The following CUBN variants were observed in gnomAD, a reference collection of about 807,000 sequenced individuals.
The protein encoded by CUBN is cubilin, also known as 460 kDa receptor.
A neutral mutation model predicts 405.3 loss-of-function variants in CUBN; 282 were observed. The observed-to-expected ratio is 0.70, with a 90% CI of 0.63 to 0.77. CUBN has a LOEUF of 0.77. Ranked by LOEUF, CUBN falls within the 30% of genes least tolerant of loss-of-function variation. CUBN has a pLI of 0.00. For synonymous variants in CUBN, 1,684 were observed against 1,617.0 expected (o/e 1.04, Z -0.99); for missense variants, 4,514 against 4,475.2 (o/e 1.01, Z -0.25).
rs549012400 is a variant in CUBN, at chr10:16,974,040, C to G, written c.4695+8444G>C. Among the ~76,000 whole-genome samples, 4 of 152,264 alleles carry G rather than the reference C, an allele frequency of 2.6e-5. No homozygotes were observed. The South Asian group carries it at 8.3e-4, about 32-fold the overall frequency. On this transcript the variant is annotated intron_variant, in intron 31 of 66. Coordinates refer to ENST00000377833, the MANE Select transcript of CUBN (RefSeq NM_001081.4). ...TTCTTCTAGTCCTCATTAAATGAACCTCCCCCAAAACACTCACCATCAGCA... is the reference window on the plus strand; with the variant it reads ...TTCTTCTAGTCCTCATTAAATGAACGTCCCCCAAAACACTCACCATCAGCA...
intron 22 of CUBN, 112 bp downstream of exon 22, chr10:17,065,396 C>G: frequency 7.5e-7 from 1 of 1,332,392 alleles, no homozygotes; most frequent in South Asian, 1.2e-5. Flanking sequence ...CTAAATATAG[C>G]TCTCATTGTG....
At chr10:16,834,948 G>T in intron 64 of CUBN, 66 bp downstream of exon 64, 1 of 1,459,342 alleles carries the variant, frequency 6.9e-7, no homozygotes, top group Non-Finnish European at 9.6e-7. Context: ...GATAAAAGGT[G>T]TAAAATCTTA....
rs755587311 is a variant in CUBN at position 16,869,864 on chromosome 10, T to TA, written c.9237-12dup. On this transcript the variant is annotated splice_polypyrimidine_tract_variant and intron_variant, in intron 58 of 66. Coordinates refer to ENST00000377833, the MANE Select transcript of CUBN (RefSeq NM_001081.4). ...TCAAAATCACTGAACCTGTGAAATG[T>TA]ACCTTGTTAATACTGATGTTTCCAT... 5 of 1,572,498 alleles carry TA rather than the reference T, an allele frequency of 3.2e-6. No individual in the cohort carries two copies. The South Asian group carries it at 5.5e-5, about 17-fold the overall frequency.
In CUBN at chr10:16,836,119, G is replaced by T. The variant is rs566994230; in HGVS notation, c.10180+116C>A. The T allele has an allele frequency of 2.6e-3, 2,738 of 1,058,324 alleles. 11 individuals carry two copies. The highest frequency in any genetic ancestry group is 3.3e-3 in the Non-Finnish European group (2,324 of 696,778). 65.6% of individuals were successfully genotyped at this position (1,058,324 alleles called of 1,614,324 possible). On this transcript the variant is annotated intron_variant, in intron 63 of 66. Transcript: ENST00000377833. Reference sequence around the variant, plus strand: ...TAGTTAAGAGAGGGATGTGGTTTTTGTTAACAAATCCTAATTTACTCACAG... The same window carrying T: ...TAGTTAAGAGAGGGATGTGGTTTTTTTTAACAAATCCTAATTTACTCACAG...
chr10:16,886,090 G>T (rs1840804988), intron 56 of CUBN, among the ~76,000 whole-genome samples: 1 of 152,108 alleles, frequency 6.6e-6, no homozygotes, highest in Non-Finnish European at 1.5e-5. Context: ...ATGGTACTGG[G>T]ATTTTGGGCT....
In CUBN at chr10:16,928,271, G is replaced by A. The variant is rs751834059; in HGVS notation, c.6157C>T (p.Leu2053Phe). 1.9e-6 allele frequency: 3 copies of A among 1,613,926 alleles called. No homozygotes were observed. The highest frequency in any genetic ancestry group is 2.5e-6 in the Non-Finnish European group (3 of 1,179,884). ...GGCCCAGGGATCTCTCTGCCACAGA[G>A]AACTGCTAGCTGCTGGGCCAAGTTA... ...DNNLAQQLAV[L>F]CGREIPGPIR... The change falls in exon 41 of 67, where the codon CTC becomes TTC. Residue 2053 changes from leucine to phenylalanine, a missense_variant. Leu to Phe is a conservative substitution (Grantham distance 22). Around this residue, in one of 5 missense-constraint regions of CUBN, gnomAD observed 1,613 missense variants for 1,542.8 expected, o/e 1.05. Coordinates refer to ENST00000377833, the MANE Select transcript of CUBN (RefSeq NM_001081.4).
Position 16,940,185 on chromosome 10 carries a change from G to T in CUBN, c.5395C>A (p.Arg1799Ser). The change falls in exon 37 of 67, where the codon CGT becomes AGT. Residue 1799 changes from arginine (R) to serine (S), a missense_variant. By Grantham distance (110) the Arg-to-Ser change is moderately radical. This residue lies in a region of CUBN where 1,613 missense variants were observed against 1,542.8 expected (regional missense o/e 1.05). Transcript: ENST00000377833. ...QDCSRDFVEI[R>S]EGNATGHLVG... ...AAGTGACCCGTGGCATTTCCTTCAC[G>T]GATCTCCACAAAATCTCTGCTGCAG... The T allele has an allele frequency of 6.2e-7, 1 of 1,613,992 alleles. No homozygotes were observed. Among genetic ancestry groups the T allele is most frequent in the Non-Finnish European group, 8.5e-7 (1 of 1,179,940 alleles).
chr10:16,864,434 T>C lies in CUBN; in HGVS notation c.9454+5202A>G, dbSNP rs565232100. Reference sequence around the variant, plus strand: ...TTGGGACTTCAATATTACTTTCTAATACATAGAGTCTTTCACTCTGACAGC... The same window carrying C: ...TTGGGACTTCAATATTACTTTCTAACACATAGAGTCTTTCACTCTGACAGC... On this transcript the variant is annotated intron_variant, in intron 59 of 66. Coordinates refer to ENST00000377833, the MANE Select transcript of CUBN (RefSeq NM_001081.4). Among the ~76,000 whole-genome samples, 9 of 152,102 alleles carry C rather than the reference T, an allele frequency of 5.9e-5. No homozygotes were observed. The South Asian group carries it at 8.3e-4, about 14-fold the overall frequency.
At chr10:17,068,985 T>C (rs1346848041) in intron 19 of CUBN, among the ~76,000 whole-genome samples, 1 of 152,168 alleles carries the variant, frequency 6.6e-6, no homozygotes, top group Non-Finnish European at 1.5e-5. Context: ...GCCACTAATC[T>C]ACTTTCTGTC....
chr10:16,958,522 T>A (rs1168786380), intron 31 of CUBN, among the ~76,000 whole-genome samples: 2 of 152,110 alleles, frequency 1.3e-5, no homozygotes. Context: ...TGAGACTCCA[T>A]CTCAATAAAA....
intron 58 of CUBN, 122 bp downstream of exon 58, chr10:16,874,252 C>A: frequency 1.9e-6 from 2 of 1,042,030 alleles, no homozygotes; most frequent in South Asian, 1.3e-5. Flanking sequence ...AACATCACTC[C>A]TCTGTGTAGA....
chr10:16,948,738 T>C, intron 34 of CUBN, 132 bp from the exon 35 acceptor site: 1 of 1,075,902 alleles, frequency 9.3e-7, no homozygotes, highest in Non-Finnish European at 1.4e-6. Context: ...GGAGAACCAC[T>C]TCATTCAGGG....
At position 17,043,930 on chromosome 10, in the gene CUBN, A is replaced by G. The variant is rs141080797; in HGVS notation, c.3726T>C (p.Asp1242=). 6.2e-7 allele frequency: 1 copy of G among 1,613,686 alleles called. No homozygotes were observed. Among genetic ancestry groups the G allele is most frequent in the South Asian group, 1.1e-5 (1 of 91,078 alleles). The change falls in exon 26 of 67, where the codon GAT becomes GAC. Residue 1242 remains aspartate (D), a synonymous_variant. Transcript: ENST00000377833. ...TAGAACGAATAAGAGGGGGTTTCTC[A>G]TCCCCACAAAGCTGAGTTAGCAGAT... ...NSHLLTQLCG[D]EKPPLIRSSG...
chr10:16,914,729 T>C (rs2131455317), intron 47 of CUBN, among the ~76,000 whole-genome samples: 1 of 152,202 alleles, frequency 6.6e-6, no homozygotes, highest in South Asian at 2.1e-4. Flanking sequence ...AGATCTTTAT[T>C]TCATTTGAGT....
Position 16,948,617 on chromosome 10 carries a change from A to G in CUBN, c.5081-11T>C. The G allele has an allele frequency of 6.2e-7, 1 of 1,613,482 alleles. No homozygotes were observed. Among genetic ancestry groups the G allele is most frequent in the South Asian group, 1.1e-5 (1 of 90,986 alleles). ...TGCCACAGTAACGGCCTAAATAATGAAGATAATGACAAGGAGAATGAATGA... is the reference window on the plus strand; with the variant it reads ...TGCCACAGTAACGGCCTAAATAATGGAGATAATGACAAGGAGAATGAATGA... On this transcript the variant is annotated splice_polypyrimidine_tract_variant and intron_variant, in intron 34 of 66. Coordinates refer to ENST00000377833, the MANE Select transcript of CUBN (RefSeq NM_001081.4).
chr10:16,856,637 G>T (rs946777043), intron 59 of CUBN, among the ~76,000 whole-genome samples: 5 of 152,194 alleles, frequency 3.3e-5, no homozygotes, highest in African/African-American at 9.7e-5. Context: ...ATTATTTGGA[G>T]AATTGACATT....
intron 40 of CUBN, 132 bp downstream of exon 40, chr10:16,932,955 T>C (rs1842400781): frequency 1.1e-6 from 1 of 874,162 alleles, no homozygotes; most frequent in Admixed American, 2.0e-5. Context: ...CTGGTACTGA[T>C]GCCTTCCTTG....
At chr10:16,978,578 T>G (rs186772181) in intron 31 of CUBN, among the ~76,000 whole-genome samples, 1 of 152,200 alleles carries the variant, frequency 6.6e-6, no homozygotes, top group Admixed American at 6.5e-5. Context: ...AATGGACTAC[T>G]TGGAAAAATG....
intron 11 of CUBN, 74 bp downstream of exon 11, chr10:17,105,383 T>C: frequency 1.1e-6 from 1 of 892,514 alleles, no homozygotes. Context: ...TCCTGAATCC[T>C]ATAACGTTAC....
Sources: allele counts gnomAD v4.1 joint callset (sites outside exome capture counted in the v4.1 genomes callset), GRCh38; gene constraint gnomAD v4.1.1; regional missense constraint gnomAD v4.1.1; transcripts MANE v1.5; gene names NCBI Gene and HGNC (gene_info 2026-07-23, HGNC 2026-07-21).